Variants in NOS1AP observed in about 807,000 individuals in gnomAD.
The protein encoded by NOS1AP is carboxyl-terminal PDZ ligand of neuronal nitric oxide synthase protein.
NOS1AP carries 21 observed loss-of-function variants against 56.2 expected under a neutral mutation model. That is an observed-to-expected ratio of 0.37 (90% CI 0.26 to 0.54). The LOEUF is 0.54. NOS1AP is among the 20% of genes least tolerant of loss of function. The pLI is 0.84. For synonymous variants in NOS1AP, 270 were observed against 274.6 expected (o/e 0.98, Z 0.17); for missense variants, 522 against 657.8 (o/e 0.79, Z 2.26).
intron 1 of NOS1AP, among the ~76,000 whole-genome samples, chr1:162,112,352 G>A (rs577721376): frequency 1.3e-5 from 2 of 151,954 alleles, no homozygotes; most frequent in Admixed American, 6.5e-5. Context: ...CTCACGTTAA[G>A]AGCATCCTGG....
At chr1:162,293,231 T>C (rs1655332974) in intron 3 of NOS1AP, among the ~76,000 whole-genome samples, 1 of 152,184 alleles carries the variant, frequency 6.6e-6, no homozygotes, top group Non-Finnish European at 1.5e-5. Context: ...CTTTGCAATT[T>C]TTTTTTGAGT....
intron 2 of NOS1AP, among the ~76,000 whole-genome samples, chr1:162,165,601 A>AC (rs1273510697): frequency 6.6e-6 from 1 of 152,126 alleles, no homozygotes; most frequent in Admixed American, 6.5e-5. Flanking sequence ...CTAAGCTTGA[A>AC]CGTGGTATGG....
chr1:162,235,360 A>G (rs1356882365), intron 2 of NOS1AP, among the ~76,000 whole-genome samples: 3 of 152,306 alleles, frequency 2.0e-5, no homozygotes, highest in East Asian at 1.9e-4. Context: ...GAGCTTGCCT[A>G]AGTGAAGAAG....
chr1:162,367,847 C>T lies in NOS1AP; in HGVS notation c.*380C>T, dbSNP rs1320006041. 4 of 212,332 alleles carry T rather than the reference C, an allele frequency of 1.9e-5. No individual in the cohort carries two copies. In the East Asian group the frequency reaches 4.4e-4, roughly 23 times the overall value. The allele number at this position is 212,332 out of a possible 1,614,324, so 13.2% of individuals were successfully genotyped here. A position where few individuals can be genotyped will look rare whatever the true frequency, so the allele number is the denominator to read the frequency against. The stretch of plus-strand genomic sequence containing the variant: ...TGCCCCCCTACCCCCTCACTCTCCC[C>T]GTCTCCATGGTCCCGACCAGGAAGG... On this transcript the variant is annotated 3_prime_UTR_variant, in exon 10 of 10. Transcript: ENST00000361897. The surrounding 1 kb of genome is among the most constrained non-coding windows in gnomAD (Gnocchi z 6.5).
chr1:162,142,290 C>T (rs944515555), intron 1 of NOS1AP, among the ~76,000 whole-genome samples: 1 of 152,142 alleles, frequency 6.6e-6, no homozygotes, highest in African/African-American at 2.4e-5. Flanking sequence ...ATCCTTATCT[C>T]GTTCCTGATC....
chr1:162,256,677 G>A (rs559769962), intron 2 of NOS1AP, among the ~76,000 whole-genome samples: 7 of 152,204 alleles, frequency 4.6e-5, no homozygotes, highest in East Asian at 1.9e-4. Flanking sequence ...ACAAATGCGC[G>A]TATGTACATT....
chr1:162,093,283 A>G lies in NOS1AP; in HGVS notation c.105+23001A>G, dbSNP rs138998233. Among the ~76,000 whole-genome samples, 33 of 152,344 alleles carry G rather than the reference A, an allele frequency of 2.2e-4. 1 individual carries two copies. Among genetic ancestry groups the G allele is most frequent in the African/African-American group, 6.5e-4 (27 of 41,584 alleles). On this transcript the variant is annotated intron_variant, in intron 1 of 9. Coordinates refer to ENST00000361897, the MANE Select transcript of NOS1AP (RefSeq NM_014697.3). Reference sequence around the variant, plus strand: ...ATGCAATCAGTATTTACTGAGTACTATGGCAAGCCAGGCACTGTGCTAGAT... The same window carrying G: ...ATGCAATCAGTATTTACTGAGTACTGTGGCAAGCCAGGCACTGTGCTAGAT...
chr1:162,097,847 T>C (rs553533200), intron 1 of NOS1AP, among the ~76,000 whole-genome samples: 18 of 152,276 alleles, frequency 1.2e-4, no homozygotes, highest in Non-Finnish European at 1.8e-4. Context: ...CTCATATAAA[T>C]GTTAGAATCA....
chr1:162,155,611 A>G (rs980887778), intron 2 of NOS1AP, among the ~76,000 whole-genome samples: 2 of 152,020 alleles, frequency 1.3e-5, no homozygotes, highest in African/African-American at 2.4e-5. Flanking sequence ...AAAGTTCACT[A>G]TACATTCTCG....
At chr1:162,327,102 G>A (rs1260457203) in intron 4 of NOS1AP, among the ~76,000 whole-genome samples, 2 of 152,220 alleles carry the variant, frequency 1.3e-5, no homozygotes, top group African/African-American at 4.8e-5. Context: ...GGAAAAGGCT[G>A]AAGATGAGAG....
intron 4 of NOS1AP, among the ~76,000 whole-genome samples, chr1:162,322,879 C>T (rs1173730773): frequency 1.3e-5 from 2 of 152,184 alleles, no homozygotes; most frequent in African/African-American, 2.4e-5. Context: ...TAATGAATGA[C>T]ATTCAATATT....
chr1:162,165,108 G>C (rs1650425391), intron 2 of NOS1AP, among the ~76,000 whole-genome samples: 1 of 152,098 alleles, frequency 6.6e-6, no homozygotes, highest in Non-Finnish European at 1.5e-5. Flanking sequence ...GATCACCTGA[G>C]GTTGGGAGTT....
At chr1:162,207,731 A>G (rs1264391595) in intron 2 of NOS1AP, among the ~76,000 whole-genome samples, 3 of 152,200 alleles carry the variant, frequency 2.0e-5, no homozygotes, top group Non-Finnish European at 4.4e-5. Context: ...TACATACTGT[A>G]CGGTCTCAGT....
Position 162,367,682 on chromosome 1 carries a change from T to C in NOS1AP, c.*215T>C, listed in dbSNP as rs1658146093. 2 of 593,352 alleles carry C rather than the reference T, an allele frequency of 3.4e-6. No homozygotes were observed. The highest frequency in any genetic ancestry group is 2.9e-6 in the Non-Finnish European group (1 of 339,348). The allele number at this position is 593,352 out of a possible 1,614,324, so 36.8% of individuals were successfully genotyped here. A position where few individuals can be genotyped will look rare whatever the true frequency, so the allele number is the denominator to read the frequency against. On this transcript the variant is annotated 3_prime_UTR_variant, in exon 10 of 10. Transcript: ENST00000361897. This position sits in a 1 kb window ranked among gnomAD's most constrained non-coding sequence, Gnocchi z 6.5. The stretch of plus-strand genomic sequence containing the variant: ...CCCAGAGGTGAATCAGCTCCTCTCC[T>C]ACTTGTGACTAGAGGGTGGTGGAGG...
rs1183729713 is a variant in NOS1AP at position 162,364,840 on chromosome 1, G to T, written c.940-564G>T. The T allele has an allele frequency of 3.0e-6, 3 of 991,484 alleles. No homozygotes were observed. In the African/African-American group the frequency reaches 5.2e-5, roughly 17 times the overall value. 61.4% of individuals were successfully genotyped at this position (991,484 alleles called of 1,614,324 possible). ...GCCTCACTAATTTAAAAAGCCATGT[G>T]TAGTGCTTCCTATTTCTCACTATGT... is the stretch of plus-strand genomic sequence containing the variant. On this transcript the variant is annotated intron_variant, in intron 8 of 9. Coordinates refer to ENST00000361897, the MANE Select transcript of NOS1AP (RefSeq NM_014697.3).
intron 1 of NOS1AP, among the ~76,000 whole-genome samples, chr1:162,150,591 G>A (rs1386724229): frequency 6.6e-6 from 1 of 152,142 alleles, no homozygotes; most frequent in Non-Finnish European, 1.5e-5. Flanking sequence ...TAGTATACGA[G>A]GGTTCTTTTT....
chr1:162,214,529 A>T (rs1338448254), intron 2 of NOS1AP, among the ~76,000 whole-genome samples: 1 of 152,124 alleles, frequency 6.6e-6, no homozygotes, highest in Non-Finnish European at 1.5e-5. Flanking sequence ...TTTTCCCTTC[A>T]TAATTTTTTT....
chr1:162,252,708 A>G (rs1423445556), intron 2 of NOS1AP, among the ~76,000 whole-genome samples: 1 of 152,156 alleles, frequency 6.6e-6, no homozygotes, highest in Non-Finnish European at 1.5e-5. Context: ...ATGTGCATGG[A>G]CCATGCTTTC....
intron 2 of NOS1AP, among the ~76,000 whole-genome samples, chr1:162,156,008 A>G (rs1032823778): frequency 6.6e-6 from 1 of 152,208 alleles, no homozygotes; most frequent in African/African-American, 2.4e-5. Flanking sequence ...CCTCTGGTCA[A>G]CAGAAACTTG....
Sources: allele counts gnomAD v4.1 joint callset (sites outside exome capture counted in the v4.1 genomes callset), GRCh38; gene constraint gnomAD v4.1.1; non-coding constraint Gnocchi (gnomAD v3.1); transcripts MANE v1.5; gene names NCBI Gene and HGNC (gene_info 2026-07-23, HGNC 2026-07-21).